Variants in ZBTB25 observed in about 807,000 individuals in gnomAD.
ZBTB25 encodes zinc finger and BTB domain containing 25.
A neutral mutation model predicts 34.2 loss-of-function variants in ZBTB25; 20 were observed. That is an observed-to-expected ratio of 0.58 (90% CI 0.41 to 0.85). The LOEUF (loss-of-function observed/expected upper bound fraction) is 0.85. Ranked by LOEUF, ZBTB25 falls within the 40% of genes least tolerant of loss-of-function variation. The probability of loss-of-function intolerance (pLI) is 0.00; values close to 1 mark genes in which losing one functional copy is unlikely to be tolerated. For missense variants in ZBTB25, 437 were observed against 521.8 expected, an observed-to-expected ratio of 0.84 and a Z score of 1.58; for synonymous variants, 175 against 186.4, an observed-to-expected ratio of 0.94 and a Z score of 0.50.
At chr14:64,497,345 C>T (rs955755530) in intron 1 of ZBTB25, among the ~76,000 whole-genome samples, 3 of 152,120 alleles carry the variant, frequency 2.0e-5, no homozygotes, top group African/African-American at 7.2e-5. Context: ...TTTTGTATAG[C>T]CTTTGCTCAT....
At chr14:64,500,260 C>A (rs1470725950) in intron 1 of ZBTB25, among the ~76,000 whole-genome samples, 1 of 152,030 alleles carries the variant, frequency 6.6e-6, no homozygotes, top group African/African-American at 2.4e-5. Flanking sequence ...TAAACCAATA[C>A]TTCTTTCGCA....
At chr14:64,501,439 T>A (rs2079493493) in intron 1 of ZBTB25, among the ~76,000 whole-genome samples, 1 of 152,216 alleles carries the variant, frequency 6.6e-6, no homozygotes, top group Non-Finnish European at 1.5e-5. Context: ...ACTGGAGCAA[T>A]ATTTTCTTAG....
At chr14:64,501,069 A>G (rs1453033158) in intron 1 of ZBTB25, among the ~76,000 whole-genome samples, 2 of 152,156 alleles carry the variant, frequency 1.3e-5, no homozygotes, top group Non-Finnish European at 2.9e-5. Context: ...AACAAACAAA[A>G]AAAACCCCAG....
At chr14:64,455,134 A>G (rs2078448283) in intron 2 of ZBTB25, 1 of 460,608 alleles carries the variant, frequency 2.2e-6, no homozygotes, top group Non-Finnish European at 4.0e-6. Flanking sequence ...TCCCAGGGAC[A>G]GTATGCTCTT....
intron 1 of ZBTB25, among the ~76,000 whole-genome samples, chr14:64,501,384 G>T (rs561210894): frequency 1.2e-4 from 18 of 152,302 alleles, no homozygotes; most frequent in African/African-American, 4.3e-4. Flanking sequence ...ATGGTATAAA[G>T]TGGAGATAAA....
intron 2 of ZBTB25, among the ~76,000 whole-genome samples, chr14:64,450,007 G>A (rs1020884431): frequency 6.6e-6 from 1 of 152,168 alleles, no homozygotes. Flanking sequence ...GGCCAGGCTG[G>A]TCTCGAACTC....
intron 2 of ZBTB25, chr14:64,470,429 A>C (rs2078656881): frequency 6.3e-6 from 1 of 159,188 alleles, no homozygotes; most frequent in Admixed American, 6.6e-5. Context: ...ATCTCTACTG[A>C]AAATACAAAA....
intron 2 of ZBTB25, among the ~76,000 whole-genome samples, chr14:64,466,126 GA>G (rs1453990529): frequency 6.6e-6 from 1 of 152,042 alleles, no homozygotes; most frequent in Non-Finnish European, 1.5e-5. Flanking sequence ...CTGCTCAAGG[GA>G]AAAAGGAAAG....
intron 2 of ZBTB25, among the ~76,000 whole-genome samples, chr14:64,463,665 C>T (rs932013882): frequency 1.1e-4 from 16 of 150,834 alleles, no homozygotes; most frequent in African/African-American, 2.7e-4. Flanking sequence ...GGCATGTGGT[C>T]GCATACCTGT....
At chr14:64,459,898 C>G in intron 2 of ZBTB25, 1 of 1,535,958 alleles carries the variant, frequency 6.5e-7, no homozygotes, top group Non-Finnish European at 8.7e-7. Context: ...GGAGTTTCCC[C>G]AGAAGTCATT....
upstream of ZBTB25, chr14:64,505,177 C>T (rs903061496): frequency 3.0e-6 from 1 of 330,744 alleles, no homozygotes; most frequent in Non-Finnish European, 5.5e-6. Flanking sequence ...AGGCGAAGCC[C>T]CTACGGAGAC....
Position 64,487,992 on chromosome 14 carries a change from A to G in ZBTB25, c.239T>C (p.Met80Thr), listed in dbSNP as rs779540360. 2 of 1,614,182 alleles carry G rather than the reference A, an allele frequency of 1.2e-6. No homozygotes were observed. Among genetic ancestry groups the G allele is most frequent in the Non-Finnish European group, 1.7e-6 (2 of 1,180,028 alleles). ...CTGTTTTGGCCCTTTCCCCGTGTAC[A>G]TAATGTGCAACAAATAGCTGAATAT... ...PDIFSYLLHI[M>T]YTGKGPKQIV... is the part of the protein sequence containing the mutation. Residue 80 changes from methionine to threonine, a missense_variant, in exon 3 of 3, where the codon ATG (methionine) becomes ACG (threonine). Transcript: ENST00000608382.
In ZBTB25 at chr14:64,487,965, A is replaced by G. The variant is rs61742301; in HGVS notation, c.266T>C (p.Ile89Thr). ...TTCCTCCAAACGACTATGATCCACA[A>G]TCTGTTTTGGCCCTTTCCCCGTGTA... Reference protein sequence around the residue: ...IMYTGKGPKQIVDHSRLEEGI... With the variant: ...IMYTGKGPKQTVDHSRLEEGI... Residue 89 changes from isoleucine (I) to threonine (T), a missense_variant, in exon 3 of 3, where the codon ATT becomes ACT. Transcript: ENST00000608382. The G allele has an allele frequency of 4.9e-3, 7,936 of 1,614,126 alleles. 276 individuals carry two copies. In the East Asian group the frequency reaches 0.068, roughly 14 times the overall value.
At chr14:64,449,522 C>G (rs753615292) in exon 3 of ZBTB25, 7 of 1,614,086 alleles carry the variant, frequency 4.3e-6, no homozygotes, top group African/African-American at 1.3e-5. Context: ...GTGAAGTGCA[C>G]TCACTGGGCA....
At chr14:64,454,886 G>A in intron 2 of ZBTB25, 2 of 1,613,996 alleles carry the variant, frequency 1.2e-6, no homozygotes, top group Non-Finnish European at 1.7e-6. Flanking sequence ...GTAAGTGCAT[G>A]CTGCAAGGGA....
intron 2 of ZBTB25, among the ~76,000 whole-genome samples, chr14:64,453,077 C>G (rs1308154579): frequency 1.3e-5 from 2 of 151,690 alleles, no homozygotes. Context: ...TAGTCAGCAA[C>G]ACTGTTTATG....
At chr14:64,450,946 T>G (rs2078361975) in intron 2 of ZBTB25, among the ~76,000 whole-genome samples, 1 of 152,090 alleles carries the variant, frequency 6.6e-6, no homozygotes, top group Non-Finnish European at 1.5e-5. Context: ...GGTGGGTGGA[T>G]CACCTAAGGT....
Position 64,481,563 on chromosome 14 carries a change from C to T in ZBTB25, c.*5360G>A, listed in dbSNP as rs1321881660. On this transcript the variant is annotated 3_prime_UTR_variant, in exon 3 of 3. Coordinates refer to ENST00000608382, the MANE Select transcript of ZBTB25 (RefSeq NM_006977.5). Reference sequence around the variant, plus strand: ...TATTTGATCCATTCTGACTAAATGACTTTATTTAGCACAAAATAGAGGAGT... The same window carrying T: ...TATTTGATCCATTCTGACTAAATGATTTTATTTAGCACAAAATAGAGGAGT... 1.3e-5 allele frequency: 2 copies of T among 152,172 alleles called. No individual in the cohort carries two copies. The highest frequency in any genetic ancestry group is 2.4e-5 in the African/African-American group (1 of 41,444). The allele number at this position is 152,172 out of a possible 1,614,324, so 9.4% of individuals were successfully genotyped here. A position where few individuals can be genotyped will look rare whatever the true frequency, so the allele number is the denominator to read the frequency against.
At chr14:64,477,921 C>A (rs1177423160), downstream of ZBTB25, 1 of 152,208 alleles carries the variant, frequency 6.6e-6, no homozygotes, top group East Asian at 1.9e-4. Context: ...GGGTGAGAGC[C>A]ATCTTCTCCA....
Sources: allele counts gnomAD v4.1 joint callset (sites outside exome capture counted in the v4.1 genomes callset), GRCh38; gene constraint gnomAD v4.1.1; transcripts MANE v1.5; gene names NCBI Gene and HGNC (gene_info 2026-07-23, HGNC 2026-07-21).